Variants in SYT1 observed in about 807,000 individuals in gnomAD.
The protein encoded by SYT1 is synaptotagmin-1.
In SYT1, 8 loss-of-function variants were observed where a neutral mutation model predicts 44.8. That is an observed-to-expected ratio of 0.18 (90% CI 0.10 to 0.32). The LOEUF (loss-of-function observed/expected upper bound fraction) is 0.32, where lower values mean the gene tolerates loss of function less well. Ranked by LOEUF, SYT1 falls within the 10% of genes least tolerant of loss-of-function variation. The pLI, the probability that SYT1 is intolerant of heterozygous loss-of-function variation, is 1.00. For synonymous variants in SYT1, 154 were observed against 188.8 expected, an observed-to-expected ratio of 0.82 and a Z score of 1.51; for missense variants, 286 against 509.3, an observed-to-expected ratio of 0.56 and a Z score of 4.22.
chr12:79,124,579 TATCATCATC>T (rs374558194), intron 3 of SYT1, among the ~76,000 whole-genome samples: 1 of 151,026 alleles, frequency 6.6e-6, no homozygotes, highest in Non-Finnish European at 1.5e-5. Context: ...CCATCACCAT[TATCATCATC>T]ATCATCATCA....
chr12:79,325,345 C>T (rs1391794782), intron 8 of SYT1, among the ~76,000 whole-genome samples: 6 of 151,880 alleles, frequency 4.0e-5, no homozygotes, highest in Admixed American at 1.3e-4. Flanking sequence ...TAGGAAAAAG[C>T]TATGTTATGG....
At chr12:79,426,081 TA>T (rs201612555) in intron 9 of SYT1, among the ~76,000 whole-genome samples, 2,002 of 141,886 alleles carry the variant, frequency 0.014, 16 homozygotes, top group African/African-American at 0.033. Flanking sequence ...ACTGTTTGAT[TA>T]AAAAAAAAAA....
At chr12:79,133,626 G>A (rs1868994095) in intron 3 of SYT1, among the ~76,000 whole-genome samples, 1 of 152,034 alleles carries the variant, frequency 6.6e-6, no homozygotes, top group African/African-American at 2.4e-5. Context: ...CTAAACTTGG[G>A]AGAAACCAAC....
At chr12:79,350,945 T>C (rs1882873152) in intron 8 of SYT1, among the ~76,000 whole-genome samples, 1 of 152,206 alleles carries the variant, frequency 6.6e-6, no homozygotes, top group Non-Finnish European at 1.5e-5. Context: ...AATAAAATGC[T>C]AAAACTTTTT....
intron 3 of SYT1, among the ~76,000 whole-genome samples, chr12:79,177,813 C>T (rs375209231): frequency 8.1e-6 from 1 of 123,688 alleles, no homozygotes; most frequent in East Asian, 2.2e-4. Context: ...ATGAGCATTT[C>T]TTCATGTGTT....
chr12:79,091,186 C>G (rs1366420358), intron 3 of SYT1, among the ~76,000 whole-genome samples: 1 of 151,902 alleles, frequency 6.6e-6, no homozygotes, highest in South Asian at 2.1e-4. Context: ...AATTTATTTT[C>G]AGAAAGTTTT....
chr12:79,114,403 C>A (rs993897508), intron 3 of SYT1, among the ~76,000 whole-genome samples: 1 of 152,126 alleles, frequency 6.6e-6, no homozygotes, highest in Non-Finnish European at 1.5e-5. Context: ...TGGCATCACA[C>A]CTCTTACAAG....
intron 3 of SYT1, among the ~76,000 whole-genome samples, chr12:79,058,125 C>G (rs186670050): frequency 4.0e-4 from 61 of 152,038 alleles, no homozygotes; most frequent in Non-Finnish European, 7.9e-4. Flanking sequence ...TTAAATGAGA[C>G]AGCTAAAAGA....
Position 79,210,423 on chromosome 12 carries a change from C to G in SYT1, c.-17-7080C>G, listed in dbSNP as rs372836689. 4.6e-5 allele frequency among the ~76,000 whole-genome samples: 7 copies of G among 152,276 alleles called. 1 individual carries two copies. Among genetic ancestry groups the G allele is most frequent in the Admixed American group, 3.3e-4 (5 of 15,290 alleles). On this transcript the variant is annotated intron_variant, in intron 3 of 10. Transcript: ENST00000261205. ...CCCTCTCCCACTTTTCCCAAGTCCC[C>G]AAAGTTTGTTGAATCATTCTTATGC... is the stretch of plus-strand genomic sequence containing the variant.
At chr12:78,876,817 T>TTA (rs372012277) in intron 1 of SYT1, among the ~76,000 whole-genome samples, 8 of 30,312 alleles carry the variant, frequency 2.6e-4, no homozygotes, top group Non-Finnish European at 4.5e-4. Flanking sequence ...GTAATACATA[T>TTA]CATATATTAT....
chr12:79,378,864 C>T (rs1191560875), intron 9 of SYT1, among the ~76,000 whole-genome samples: 3 of 152,146 alleles, frequency 2.0e-5, no homozygotes, highest in African/African-American at 4.8e-5. Context: ...GATGAATTTA[C>T]AGCCCAAATT....
At chr12:79,157,045 TG>T (rs772261751) in intron 3 of SYT1, among the ~76,000 whole-genome samples, 9 of 151,942 alleles carry the variant, frequency 5.9e-5, no homozygotes, top group Non-Finnish European at 8.8e-5. Context: ...GGTGTCAGGG[TG>T]AGGTGCAGAG....
intron 4 of SYT1, among the ~76,000 whole-genome samples, chr12:79,265,298 C>A (rs1050581501): frequency 6.6e-6 from 1 of 152,074 alleles, no homozygotes; most frequent in Non-Finnish European, 1.5e-5. Flanking sequence ...CTAACTTGAT[C>A]AAATTTATTT....
At chr12:79,436,069 T>G (rs536213891) in intron 9 of SYT1, among the ~76,000 whole-genome samples, 1 of 152,266 alleles carries the variant, frequency 6.6e-6, no homozygotes. Flanking sequence ...CCAGGTACAA[T>G]TTCAGGGGCT....
At position 78,953,902 on chromosome 12, in the gene SYT1, A is replaced by AT. The variant is rs576396601; in HGVS notation, c.-216-23889dup. On this transcript the variant is annotated intron_variant, in intron 1 of 10. Transcript: ENST00000261205. ...GGTTGCTTTTTAAAACTATCCAAATATTTTTTTTAAAAATCCTCAATGATA... is the reference window on the plus strand; with the variant it reads ...GGTTGCTTTTTAAAACTATCCAAATATTTTTTTTTAAAAATCCTCAATGATA... Among the ~76,000 whole-genome samples the AT allele has an allele frequency of 1.8e-3, 278 of 151,888 alleles. 2 individuals are homozygous for AT. The highest frequency in any genetic ancestry group is 4.7e-3 in the African/African-American group (196 of 41,456).
intron 3 of SYT1, among the ~76,000 whole-genome samples, chr12:79,208,377 T>G (rs1389645484): frequency 7.9e-5 from 12 of 152,216 alleles, no homozygotes. Flanking sequence ...GCTCACTAAA[T>G]TCTCATTACT....
intron 3 of SYT1, among the ~76,000 whole-genome samples, chr12:79,169,693 A>G (rs1871399746): frequency 6.6e-6 from 1 of 151,976 alleles, no homozygotes; most frequent in Admixed American, 6.6e-5. Context: ...AGGTATGAGT[A>G]GAGCTTTTTT....
At chr12:79,024,371 C>T (rs1312188714) in intron 2 of SYT1, among the ~76,000 whole-genome samples, 2 of 151,686 alleles carry the variant, frequency 1.3e-5, no homozygotes, top group East Asian at 1.9e-4. Context: ...GGTTGTGCTG[C>T]TTCAAAAAGT....
intron 3 of SYT1, among the ~76,000 whole-genome samples, chr12:79,211,262 C>CT (rs1448851049): frequency 2.0e-5 from 3 of 152,068 alleles, no homozygotes; most frequent in Non-Finnish European, 2.9e-5. Flanking sequence ...CTTTTAGATA[C>CT]TTTTTATAAC....
Sources: allele counts gnomAD v4.1 joint callset (sites outside exome capture counted in the v4.1 genomes callset), GRCh38; gene constraint gnomAD v4.1.1; transcripts MANE v1.5; gene names NCBI Gene and HGNC (gene_info 2026-07-23, HGNC 2026-07-21).